The following FBXO15 variants were observed in gnomAD, a reference collection of about 807,000 sequenced individuals.
FBXO15 encodes F-box protein 15, also known as F-box only protein 15.
Under a neutral mutation model 49.5 loss-of-function variants are expected in FBXO15, and 30 were observed. The observed-to-expected ratio is 0.61, with a 90% CI of 0.45 to 0.82. The LOEUF (loss-of-function observed/expected upper bound fraction) is 0.82. Among genes scored for constraint, FBXO15 ranks in the 40% least tolerant of loss-of-function variants. FBXO15 has a pLI of 0.00. For synonymous variants in FBXO15, 250 were observed against 232.7 expected (o/e 1.07, Z -0.68); for missense variants, 591 against 631.5 (o/e 0.94, Z 0.69).
chr18:74,096,484 C>A (rs1213659833), intron 8 of FBXO15, among the ~76,000 whole-genome samples: 47 of 151,100 alleles, frequency 3.1e-4, no homozygotes, highest in Admixed American at 3.1e-3. Context: ...AAGGAGCCAA[C>A]AACTTGGCAG....
chr18:74,087,773 C>T (rs1318720595), intron 8 of FBXO15, among the ~76,000 whole-genome samples: 1 of 152,194 alleles, frequency 6.6e-6, no homozygotes, highest in African/African-American at 2.4e-5. Flanking sequence ...CTTTGCAGTT[C>T]TCTGAGAAAT....
intron 3 of FBXO15, among the ~76,000 whole-genome samples, chr18:74,131,483 A>T (rs981092811): frequency 6.6e-6 from 1 of 152,192 alleles, no homozygotes; most frequent in African/African-American, 2.4e-5. Flanking sequence ...GAAACTGAAT[A>T]AGCTCCCCAA....
At chr18:74,116,621 G>A (rs549372166) in intron 8 of FBXO15, among the ~76,000 whole-genome samples, 2 of 152,162 alleles carry the variant, frequency 1.3e-5, no homozygotes, top group South Asian at 4.2e-4. Flanking sequence ...ACTGCAACTG[G>A]TCACTTCATC....
chr18:74,110,308 A>T (rs540226303), intron 8 of FBXO15, among the ~76,000 whole-genome samples: 1 of 151,464 alleles, frequency 6.6e-6, no homozygotes, highest in South Asian at 2.1e-4. Context: ...TGCACTAACC[A>T]TGAAGTGGCA....
intron 8 of FBXO15, among the ~76,000 whole-genome samples, chr18:74,087,394 C>CA: frequency 6.6e-6 from 1 of 152,330 alleles, no homozygotes; most frequent in African/African-American, 2.4e-5. Flanking sequence ...TCCAACCCTC[C>CA]ACCCTCAAGT....
rs767822558 is a variant in FBXO15, at chr18:74,130,674, GA to G, written c.333-17del. ...CCAAATAAAACTGGAGGGAAAAGAG[GA>G]AATATGTTAACTAAGAGACACTGTC... On this transcript the variant is annotated splice_polypyrimidine_tract_variant and intron_variant, in intron 3 of 9. Transcript: ENST00000419743. The G allele has an allele frequency of 6.2e-7, 1 of 1,605,418 alleles. No individual in the cohort carries two copies. The highest frequency in any genetic ancestry group is 1.1e-5 in the South Asian group (1 of 90,078).
intron 8 of FBXO15, 193 bp downstream of exon 8, chr18:74,123,175 G>C: frequency 1.9e-6 from 1 of 531,230 alleles, no homozygotes; most frequent in Non-Finnish European, 3.2e-6. Flanking sequence ...GAAGGAGACA[G>C]AGCCAGTTCT....
chr18:74,125,968 G>A lies in FBXO15; in HGVS notation c.912+7C>T. ...TGACACAGTACATACAGGGACTCAAGTCTTACCTTCCACACTCCCACCAGG... is the reference window on the plus strand; with the variant it reads ...TGACACAGTACATACAGGGACTCAAATCTTACCTTCCACACTCCCACCAGG... On this transcript the variant is annotated splice_region_variant and intron_variant, in intron 6 of 9. Coordinates refer to ENST00000419743, the MANE Select transcript of FBXO15 (RefSeq NM_001142958.2). 1 of 1,613,848 alleles carries A rather than the reference G, an allele frequency of 6.2e-7. No individual in the cohort carries two copies. Among genetic ancestry groups the A allele is most frequent in the Non-Finnish European group, 8.5e-7 (1 of 1,179,910 alleles).
chr18:74,138,299 A>T (rs1381486702), intron 2 of FBXO15, among the ~76,000 whole-genome samples: 1 of 152,212 alleles, frequency 6.6e-6, no homozygotes, highest in Non-Finnish European at 1.5e-5. Context: ...ACACGCAAGT[A>T]GGAAAATGAG....
chr18:74,096,094 C>T (rs1913260575), intron 8 of FBXO15, among the ~76,000 whole-genome samples: 1 of 152,158 alleles, frequency 6.6e-6, no homozygotes, highest in Non-Finnish European at 1.5e-5. Context: ...TTAAGGTGGA[C>T]AACCAGCTTC....
chr18:74,147,823 G>A lies in FBXO15; in HGVS notation c.-38C>T, dbSNP rs1195873036. On this transcript the variant is annotated 5_prime_UTR_variant, in exon 1 of 10. Coordinates refer to ENST00000419743, the MANE Select transcript of FBXO15 (RefSeq NM_001142958.2). ...TTCACCACAGGACCGCGCCAGGGCT[G>A]AAACGAAGAGTGCACGCACCGCCCC... The A allele has an allele frequency of 5.4e-6, 8 of 1,475,644 alleles. No individual in the cohort carries two copies. Among genetic ancestry groups the A allele is most frequent in the South Asian group, 1.3e-5 (1 of 77,306 alleles). 91.4% of individuals were successfully genotyped at this position (1,475,644 alleles called of 1,614,324 possible). A position where few individuals can be genotyped will look rare whatever the true frequency, so the allele number is the denominator to read the frequency against.
Position 74,077,372 on chromosome 18 carries a change from T to A in FBXO15, c.1264-3642A>T, listed in dbSNP as rs9952323. Among the ~76,000 whole-genome samples the A allele has an allele frequency of 3.0e-3, 457 of 152,222 alleles. 2 individuals are homozygous for A. The highest frequency in any genetic ancestry group is 0.01 in the Middle Eastern group (3 of 294). ...GAGATGGGTGAAGAAGCAGCCAGCA[T>A]GAAACACACTAATCCCTGATGGGAG... On this transcript the variant is annotated intron_variant, in intron 9 of 9. Transcript: ENST00000419743.
In FBXO15 at chr18:74,130,068, T is replaced by G. The variant is rs150793552; in HGVS notation, c.575+348A>C. 2.0e-3 allele frequency among the ~76,000 whole-genome samples: 304 copies of G among 152,350 alleles called. 1 individual carries two copies. Among genetic ancestry groups the G allele is most frequent in the African/African-American group, 7.0e-3 (292 of 41,588 alleles). ...AGTATGTGCATATAACCTATGCACC[T>G]CCTCCCGTATTCTTTAAATCATCTT... On this transcript the variant is annotated intron_variant, in intron 4 of 9. Coordinates refer to ENST00000419743, the MANE Select transcript of FBXO15 (RefSeq NM_001142958.2).
chr18:74,124,427 C>G, intron 7 of FBXO15, 62 bp downstream of exon 7: 2 of 1,347,768 alleles, frequency 1.5e-6, no homozygotes, highest in Non-Finnish European at 2.1e-6. Flanking sequence ...AAGATGGCAT[C>G]AACTTCTAAT....
intron 8 of FBXO15, among the ~76,000 whole-genome samples, chr18:74,084,368 A>G (rs1912636057): frequency 1.3e-5 from 2 of 152,234 alleles, no homozygotes; most frequent in Non-Finnish European, 2.9e-5. Context: ...GGAGTCGGAA[A>G]TGAGCATGAG....
At chr18:74,136,833 T>A (rs1978754235) in intron 2 of FBXO15, among the ~76,000 whole-genome samples, 1 of 152,158 alleles carries the variant, frequency 6.6e-6, no homozygotes, top group East Asian at 1.9e-4. Flanking sequence ...TACCACAGAT[T>A]GTATCAAGGG....
rs547658835 is a variant in FBXO15, at chr18:74,112,406, T to C, written c.1138+10962A>G. On this transcript the variant is annotated intron_variant, in intron 8 of 9. Coordinates refer to ENST00000419743, the MANE Select transcript of FBXO15 (RefSeq NM_001142958.2). ...ATTGAAAATCAATTAATGCAATCCA[T>C]CACACAACAGGCTTAAGAAGAAAAA... 3.9e-5 allele frequency among the ~76,000 whole-genome samples: 6 copies of C among 152,114 alleles called. No homozygotes were observed. The South Asian group carries it at 1.2e-3, about 32-fold the overall frequency.
chr18:74,076,407 A>G (rs1374242163), intron 9 of FBXO15: 1 of 152,246 alleles, frequency 6.6e-6, no homozygotes, highest in Non-Finnish European at 1.5e-5. Context: ...AGGCCCACAG[A>G]GCTGTCTCAC....
chr18:74,105,609 G>GT (rs138552161), intron 8 of FBXO15, among the ~76,000 whole-genome samples: 28,092 of 148,674 alleles, frequency 0.19, 3,363 homozygotes, highest in Middle Eastern at 0.28. Context: ...CCAGCTTATG[G>GT]TTTTTTTTTT....
Sources: allele counts gnomAD v4.1 joint callset (sites outside exome capture counted in the v4.1 genomes callset), GRCh38; gene constraint gnomAD v4.1.1; transcripts MANE v1.5; gene names NCBI Gene and HGNC (gene_info 2026-07-23, HGNC 2026-07-21).